Variants in ELK3 observed in about 807,000 individuals in gnomAD.
ELK3 encodes the protein ETS transcription factor ELK3.
Under a neutral mutation model 28.9 loss-of-function variants are expected in ELK3, and 10 were observed. The observed-to-expected ratio is 0.35, with a 90% CI of 0.21 to 0.59. The LOEUF (loss-of-function observed/expected upper bound fraction) is 0.59, where lower values mean the gene tolerates loss of function less well. ELK3 is among the 20% of genes least tolerant of loss of function. The pLI, the probability that ELK3 is intolerant of heterozygous loss-of-function variation, is 0.82. For missense variants in ELK3, 463 were observed against 517.3 expected, an observed-to-expected ratio of 0.90 and a Z score of 1.02; for synonymous variants, 272 against 243.5, an observed-to-expected ratio of 1.12 and a Z score of -1.09.
intron 1 of ELK3, among the ~76,000 whole-genome samples, chr12:96,222,161 GATT>G (rs1031384789): frequency 2.6e-5 from 4 of 151,992 alleles, no homozygotes; most frequent in East Asian, 1.9e-4. Flanking sequence ...AACACAAATG[GATT>G]ATTATTATTA....
At position 96,223,629 on chromosome 12, in the gene ELK3, G is replaced by T. The variant is rs1365583985; in HGVS notation, c.63G>T (p.Glu21Asp). 5 of 1,614,032 alleles carry T rather than the reference G, an allele frequency of 3.1e-6. No individual in the cohort carries two copies. Among genetic ancestry groups the T allele is most frequent in the Non-Finnish European group, 4.2e-6 (5 of 1,180,042 alleles). The change falls in exon 2 of 5, where the codon GAG (glutamate) becomes GAT (aspartate). Residue 21 changes from glutamate (E) to aspartate (D), a missense_variant. Glu to Asp is a conservative substitution (Grantham distance 45, BLOSUM62 2). Around this residue, in one of 2 missense-constraint regions of ELK3, gnomAD observed 55 missense variants for 102.5 expected, o/e 0.54. Transcript: ENST00000228741. The stretch of plus-strand genomic sequence containing the variant: ...AGTTGCTGCTGGATCAGAAACATGA[G>T]CATTTGATCTGCTGGACCTCGAACG... Reference protein sequence around the residue: ...LLQLLLDQKHEHLICWTSNDG... With the variant: ...LLQLLLDQKHDHLICWTSNDG...
chr12:96,256,094 G>A (rs143123454), intron 3 of ELK3, among the ~76,000 whole-genome samples: 2 of 152,296 alleles, frequency 1.3e-5, no homozygotes, highest in East Asian at 1.9e-4. Context: ...TTGATTTGGC[G>A]ATGGGGTACA....
At chr12:96,234,300 G>T (rs561205777) in intron 2 of ELK3, among the ~76,000 whole-genome samples, 1 of 152,200 alleles carries the variant, frequency 6.6e-6, no homozygotes, top group African/African-American at 2.4e-5. Context: ...ATGCTTCTGC[G>T]CCAGGGGCTC....
chr12:96,214,009 A>T (rs2137007505), intron 1 of ELK3: 1 of 152,288 alleles, frequency 6.6e-6, no homozygotes, highest in Middle Eastern at 3.4e-3. Context: ...CAGACATGTA[A>T]TCCGTTCATT....
chr12:96,253,272 T>A (rs1008416232), intron 3 of ELK3, among the ~76,000 whole-genome samples: 1 of 152,064 alleles, frequency 6.6e-6, no homozygotes, highest in Non-Finnish European at 1.5e-5. Context: ...ACCAAAAAAA[T>A]AAATAAATAA....
chr12:96,201,413 GA>G (rs781209782), intron 1 of ELK3, among the ~76,000 whole-genome samples: 2,053 of 151,980 alleles, frequency 0.014, 44 homozygotes, highest in Admixed American at 0.056. Flanking sequence ...TTGAGCCCAG[GA>G]GTCTGAGATC....
At chr12:96,256,271 C>T (rs913572866) in intron 3 of ELK3, among the ~76,000 whole-genome samples, 2 of 152,146 alleles carry the variant, frequency 1.3e-5, no homozygotes, top group Admixed American at 6.5e-5. Flanking sequence ...TTGCAGTTAT[C>T]GGAAGGCATT....
At chr12:96,198,708 A>T (rs1395154114) in intron 1 of ELK3, among the ~76,000 whole-genome samples, 2 of 152,218 alleles carry the variant, frequency 1.3e-5, no homozygotes, top group Non-Finnish European at 1.5e-5. Flanking sequence ...TGCTATAAAA[A>T]AATAGACATC....
chr12:96,219,296 G>GAA lies in ELK3; in HGVS notation c.-2-4261_-2-4260dup, dbSNP rs3216592. Among the ~76,000 whole-genome samples the GAA allele has an allele frequency of 1.1e-3, 173 of 151,250 alleles. 1 individual carries two copies. The highest frequency in any genetic ancestry group is 3.9e-3 in the African/African-American group (159 of 41,216). ...TTCTAGGTATCAAGGAATTAATTTA[G>GAA]AAAAAAAAATCGTTTAAATTTTTTT... is the stretch of plus-strand genomic sequence containing the variant. On this transcript the variant is annotated intron_variant, in intron 1 of 4. Transcript: ENST00000228741.
intron 2 of ELK3, among the ~76,000 whole-genome samples, chr12:96,237,695 C>T (rs983582850): frequency 4.6e-5 from 7 of 152,198 alleles, no homozygotes; most frequent in Admixed American, 3.9e-4. Context: ...GCAAGAGGAC[C>T]GCTTGAGCCC....
At chr12:96,214,124 G>A (rs962487913) in intron 1 of ELK3, among the ~76,000 whole-genome samples, 2 of 151,882 alleles carry the variant, frequency 1.3e-5, no homozygotes, top group African/African-American at 2.4e-5. Context: ...AGATGGAAGA[G>A]TTATTTAAAA....
At chr12:96,214,070 T>C (rs1029553753) in intron 1 of ELK3, among the ~76,000 whole-genome samples, 6 of 152,136 alleles carry the variant, frequency 3.9e-5, no homozygotes, top group African/African-American at 1.2e-4. Context: ...GTGCTAGATA[T>C]AACATGTACA....
intron 1 of ELK3, among the ~76,000 whole-genome samples, chr12:96,199,781 T>A (rs1397373113): frequency 1.3e-5 from 2 of 152,242 alleles, no homozygotes; most frequent in African/African-American, 4.8e-5. Flanking sequence ...AATTTACATT[T>A]CCTGGAAAGT....
At chr12:96,257,984 C>T (rs1951964162) in intron 3 of ELK3, among the ~76,000 whole-genome samples, 2 of 152,232 alleles carry the variant, frequency 1.3e-5, no homozygotes, top group African/African-American at 2.4e-5. Flanking sequence ...TTGAGCATTT[C>T]TATATGCCAG....
chr12:96,223,323 G>T (rs1300410656), intron 1 of ELK3, among the ~76,000 whole-genome samples: 6 of 152,162 alleles, frequency 3.9e-5, no homozygotes, highest in Admixed American at 3.9e-4. Context: ...GGGACATGTG[G>T]TGAATAGAGG....
At chr12:96,231,945 G>C (rs977664751) in intron 2 of ELK3, among the ~76,000 whole-genome samples, 24 of 152,164 alleles carry the variant, frequency 1.6e-4, no homozygotes, top group Non-Finnish European at 2.5e-4. Context: ...TTTTAGTAGA[G>C]AACCCCGTGT....
At chr12:96,229,523 CTTTTTTTT>C (rs10578974) in intron 2 of ELK3, among the ~76,000 whole-genome samples, 3 of 66,312 alleles carry the variant, frequency 4.5e-5, no homozygotes, top group African/African-American at 2.0e-4. Context: ...CCAGATTTTC[CTTTTTTTT>C]TTTTTTTTTT....
chr12:96,251,917 G>A (rs781027348), intron 3 of ELK3, among the ~76,000 whole-genome samples: 6 of 152,252 alleles, frequency 3.9e-5, no homozygotes, highest in African/African-American at 7.2e-5. Context: ...ATCTAGCTAC[G>A]CTCATTGATG....
chr12:96,249,259 G>A (rs745394007), intron 3 of ELK3, among the ~76,000 whole-genome samples: 4 of 152,194 alleles, frequency 2.6e-5, no homozygotes, highest in Non-Finnish European at 5.9e-5. Context: ...CCCTGATCAC[G>A]ATGGCCGTCC....
Sources: allele counts gnomAD v4.1 joint callset (sites outside exome capture counted in the v4.1 genomes callset), GRCh38; gene constraint gnomAD v4.1.1; regional missense constraint gnomAD v4.1.1; transcripts MANE v1.5; gene names NCBI Gene and HGNC (gene_info 2026-07-23, HGNC 2026-07-21).